USP9X: variants seen among roughly 807,000 people sequenced by gnomAD.
USP9X encodes ubiquitin carboxyl-terminal hydrolase 9X.
Under a neutral mutation model 190.3 loss-of-function variants are expected in USP9X, and 7 were observed. That is an observed-to-expected ratio of 0.04 (90% confidence interval 0.02 to 0.07). The LOEUF is 0.07. USP9X is among the 10% of genes least tolerant of loss of function. USP9X has a pLI of 1.00. For synonymous variants in USP9X, 645 were observed against 659.5 expected, an observed-to-expected ratio of 0.98 and a Z score of 0.34; for missense variants, 1,010 against 1,916.9, an observed-to-expected ratio of 0.53 and a Z score of 8.83.
At position 41,144,474 on chromosome X, in the gene USP9X, A is replaced by G. The variant is rs781574683; in HGVS notation, c.1315-48A>G. 5 of 996,107 alleles carry G rather than the reference A, an allele frequency of 5.0e-6. No individual in the cohort carries two copies. The African/African-American group carries it at 5.7e-5, about 11-fold the overall frequency. The allele number at this position is 996,107 out of a possible 1,213,427, so 82.1% of individuals were successfully genotyped here. On this transcript the variant is annotated intron_variant, in intron 10 of 44. Coordinates refer to ENST00000378308, the MANE Select transcript of USP9X (RefSeq NM_001039591.3). ...GCAAGCAGTATACACTACTTAATCT[A>G]TTACTCAGATTCTTGTGCATTGTGA...
chrX:41,140,870 A>T, intron 7 of USP9X, 96 bp from the exon 8 acceptor site: 7 of 1,091,534 alleles, frequency 6.4e-6, no homozygotes, highest in Non-Finnish European at 8.5e-6. Context: ...TTCAACTAAT[A>T]ACTGGGATTT....
intron 21 of USP9X, among the ~76,000 whole-genome samples, chrX:41,176,203 A>G (rs181449570): frequency 3.1e-4 from 34 of 110,893 alleles, no homozygotes; most frequent in African/African-American, 1.1e-3. Context: ...CCCCAGGGAC[A>G]CTCCTCGCTC....
At chrX:41,146,321 G>A (rs1254549200) in intron 11 of USP9X, among the ~76,000 whole-genome samples, 1 of 111,847 alleles carries the variant, frequency 8.9e-6, no homozygotes, top group Non-Finnish European at 1.9e-5. Context: ...GGTAAATCTG[G>A]CAATTCTTAT....
At chrX:41,226,361 A>G (rs2063312578) in intron 41 of USP9X, among the ~76,000 whole-genome samples, 1 of 111,874 alleles carries the variant, frequency 8.9e-6, no homozygotes, top group African/African-American at 3.3e-5. Context: ...AATAGATGAT[A>G]AATTATGGTA....
At chrX:41,159,417 A>G (rs920601218) in intron 14 of USP9X, among the ~76,000 whole-genome samples, 3 of 112,509 alleles carry the variant, frequency 2.7e-5, no homozygotes, top group Admixed American at 9.4e-5. Flanking sequence ...TCCCAGTTAC[A>G]TACCCAAGTA....
intron 14 of USP9X, among the ~76,000 whole-genome samples, chrX:41,160,052 A>G (rs2062615909): frequency 9.1e-6 from 1 of 109,908 alleles, no homozygotes; most frequent in Admixed American, 9.7e-5. Context: ...AAGTTCTAAA[A>G]TGGGCCCTAG....
chrX:41,167,403 T>TG lies in USP9X; in HGVS notation c.2329-78dup, dbSNP rs2062686950. ...CATTGAATAGTGTGTTTAAGATAAC[T>TG]GAGGATATGGTTTGAATTTAAATGC... On this transcript the variant is annotated intron_variant, in intron 16 of 44. Transcript: ENST00000378308. 11 of 756,481 alleles carry TG rather than the reference T, an allele frequency of 1.5e-5. No homozygotes were observed. In the South Asian group the frequency reaches 1.7e-4, roughly 12 times the overall value. 62.3% of individuals were successfully genotyped at this position (756,481 alleles called of 1,213,427 possible).
rs1259463642 is a variant in USP9X, at chrX:41,152,960, A to G, written c.1776A>G (p.Arg592=). 1 of 1,208,005 alleles carries G rather than the reference A, an allele frequency of 8.3e-7. No individual in the cohort carries two copies. The highest frequency in any genetic ancestry group is 3.0e-5 in the East Asian group (1 of 33,764). The change falls in exon 14 of 45, where the codon CGA becomes CGG. Residue 592 remains arginine, a synonymous_variant. Transcript: ENST00000378308. The part of the protein sequence containing the change: ...EAPQNLSQTQ[R]SPHVFYRHDL... ...CTTCTCGTTTCAGTCAAACTCAGCG[A>G]AGTCCCCATGTGTTTTATCGCCATG...
In USP9X at chrX:41,233,961, G is replaced by T; in HGVS notation, c.*1437G>T. The T allele has an allele frequency of 9.1e-6, 1 of 109,366 alleles. No individual in the cohort carries two copies. The allele number at this position is 109,366 out of a possible 1,213,427, so 9.0% of individuals were successfully genotyped here. A position where few individuals can be genotyped will look rare whatever the true frequency, so the allele number is the denominator to read the frequency against. ...TTTATTTTATAGAAATTATTTTGCT[G>T]AATTCACAAATAGAATTTGATTTAA... On this transcript the variant is annotated 3_prime_UTR_variant, in exon 45 of 45. Coordinates refer to ENST00000378308, the MANE Select transcript of USP9X (RefSeq NM_001039591.3).
chrX:41,125,684 A>ACACACACACACTCTCT, intron 2 of USP9X, among the ~76,000 whole-genome samples: 85 of 18,997 alleles, frequency 4.5e-3, no homozygotes, highest in South Asian at 0.022. Context: ...ACACACACAC[A>ACACACACACACTCTCT]CTCTCTCTCT....
intron 34 of USP9X, 134 bp from the exon 35 acceptor site, chrX:41,215,765 C>A: frequency 1.7e-6 from 1 of 586,468 alleles, no homozygotes; most frequent in Non-Finnish European, 2.6e-6. Flanking sequence ...CTTGATTATG[C>A]TCATTGTCAT....
Position 41,230,492 on chromosome X carries a change from C to G in USP9X, c.7432-9C>G. 1 of 1,203,020 alleles carries G rather than the reference C, an allele frequency of 8.3e-7. No individual in the cohort carries two copies. The highest frequency in any genetic ancestry group is 1.1e-6 in the Non-Finnish European group (1 of 889,550). On this transcript the variant is annotated splice_polypyrimidine_tract_variant and intron_variant, in intron 43 of 44. Transcript: ENST00000378308. The stretch of plus-strand genomic sequence containing the variant: ...ACGTAATTTTTTATCTTGAAATATT[C>G]AAAATTAGGAGCCAGATGACCAAGA...
At chrX:41,192,587 C>G (rs953640987) in intron 26 of USP9X, among the ~76,000 whole-genome samples, 2 of 111,404 alleles carry the variant, frequency 1.8e-5, no homozygotes, top group Non-Finnish European at 3.8e-5. Flanking sequence ...GAAAAGGAGT[C>G]AAGGATAATA....
In USP9X at chrX:41,186,613, G is replaced by A. The variant is rs1256236195; in HGVS notation, c.3655G>A (p.Val1219Ile). ...SSECMLRNVS[V>I]RLAQQISDEA... is the part of the protein sequence containing the mutation. Reference sequence around the variant, plus strand: ...CGAGTGCATGCTTAGAAATGTGTCAGTTCGTCTTGCTCAGCAGATATCTGA... The same window carrying A: ...CGAGTGCATGCTTAGAAATGTGTCAATTCGTCTTGCTCAGCAGATATCTGA... Residue 1219 changes from valine (V) to isoleucine (I), a missense_variant, in exon 24 of 45, where the codon GTT becomes ATT. This residue lies in a region of USP9X where 351 missense variants were observed against 480.8 expected (regional missense o/e 0.73). Coordinates refer to ENST00000378308, the MANE Select transcript of USP9X (RefSeq NM_001039591.3). 8.3e-7 allele frequency: 1 copy of A among 1,209,316 alleles called. No individual in the cohort carries two copies. Among genetic ancestry groups the A allele is most frequent in the African/African-American group, 1.8e-5 (1 of 57,055 alleles).
chrX:41,167,856 TTTA>T, intron 17 of USP9X, 148 bp from the exon 18 acceptor site: 1 of 464,870 alleles, frequency 2.2e-6, no homozygotes, highest in Non-Finnish European at 3.5e-6. Context: ...AAACATACAT[TTTA>T]TTATTGTATG....
At chrX:41,145,693 A>C (rs976630194) in intron 11 of USP9X, among the ~76,000 whole-genome samples, 1 of 111,991 alleles carries the variant, frequency 8.9e-6, no homozygotes, top group Non-Finnish European at 1.9e-5. Context: ...CCTGGGTACT[A>C]GTTACACAGG....
chrX:41,176,846 A>G (rs1392164180), intron 21 of USP9X, among the ~76,000 whole-genome samples: 1 of 112,419 alleles, frequency 8.9e-6, no homozygotes, highest in Admixed American at 9.4e-5. Flanking sequence ...GAAACGTGCT[A>G]TAGCATAACA....
chrX:41,101,017 C>G (rs1387912079), intron 1 of USP9X, among the ~76,000 whole-genome samples: 1 of 111,649 alleles, frequency 9.0e-6, no homozygotes, highest in Non-Finnish European at 1.9e-5. Flanking sequence ...CAAAAAATTG[C>G]TGACCTCTGG....
At position 41,234,302 on chromosome X, in the gene USP9X, CA is replaced by C. The variant is rs1247905758; in HGVS notation, c.*1780del. ...AGCACAAGCTTGGTTGTATTTTTTA[CA>C]ATTCAGTTAATAGGGAAATGTTTTG... On this transcript the variant is annotated 3_prime_UTR_variant, in exon 45 of 45. Coordinates refer to ENST00000378308, the MANE Select transcript of USP9X (RefSeq NM_001039591.3). The C allele has an allele frequency of 1.8e-5, 2 of 111,688 alleles. No individual in the cohort carries two copies. The highest frequency in any genetic ancestry group is 6.5e-5 in the African/African-American group (2 of 30,659). 9.2% of individuals were successfully genotyped at this position (111,688 alleles called of 1,213,427 possible).
Sources: gnomAD v4.1 joint callset for allele counts (sites outside exome capture counted in the v4.1 genomes callset) on GRCh38, gnomAD v4.1.1 for gene constraint, gnomAD v4.1.1 regional missense constraint, MANE v1.5 for transcripts, NCBI Gene and HGNC (gene_info 2026-07-23, HGNC 2026-07-21) for gene names.